NCKAP5: variants seen among roughly 807,000 people sequenced by gnomAD.
NCKAP5 encodes NCK associated protein 5.
NCKAP5 carries 92 observed loss-of-function variants against 167.0 expected under a neutral mutation model. The observed-to-expected ratio is 0.55, with a 90% CI of 0.47 to 0.66. NCKAP5 has a LOEUF of 0.66. NCKAP5 is among the 30% of genes least tolerant of loss of function. The probability of loss-of-function intolerance (pLI) is 0.00; values close to 1 mark genes in which losing one functional copy is unlikely to be tolerated. For missense variants in NCKAP5, 2,378 were observed against 2,315.0 expected, an observed-to-expected ratio of 1.03 and a Z score of -0.56; for synonymous variants, 891 against 877.4, an observed-to-expected ratio of 1.02 and a Z score of -0.27.
intron 8 of NCKAP5, among the ~76,000 whole-genome samples, chr2:132,897,557 T>C (rs967864686): frequency 6.6e-6 from 1 of 152,196 alleles, no homozygotes; most frequent in Admixed American, 6.5e-5. Flanking sequence ...GGTTGTCCTG[T>C]AAACTGTAGA....
the NCKAP5 span, among the ~76,000 whole-genome samples, chr2:133,579,458 A>T: frequency 6.6e-6 from 1 of 152,144 alleles, no homozygotes; most frequent in Non-Finnish European, 1.5e-5. Flanking sequence ...CACAGCAGAG[A>T]CTTTGATTCT....
chr2:132,889,995 T>TA (rs1286507391), intron 8 of NCKAP5, among the ~76,000 whole-genome samples: 1 of 152,090 alleles, frequency 6.6e-6, no homozygotes, highest in African/African-American at 2.4e-5. Context: ...TCACAGTAGT[T>TA]AAAAAAGGCT....
chr2:132,880,369 T>A (rs971281723), intron 8 of NCKAP5, among the ~76,000 whole-genome samples: 2 of 152,110 alleles, frequency 1.3e-5, no homozygotes, highest in Non-Finnish European at 2.9e-5. Flanking sequence ...GTGGCTCACT[T>A]CTGTAATCCC....
intron 1 of NCKAP5, among the ~76,000 whole-genome samples, chr2:133,564,700 G>C (rs888669486): frequency 2.6e-5 from 4 of 152,098 alleles, no homozygotes; most frequent in Admixed American, 6.6e-5. Context: ...TCAGAATGCA[G>C]GACCGCAGTC....
At position 132,784,890 on chromosome 2, in the gene NCKAP5, G is replaced by A; in HGVS notation, c.1921C>T (p.Pro641Ser). The A allele has an allele frequency of 1.3e-6, 2 of 1,566,100 alleles. No individual in the cohort carries two copies. Among genetic ancestry groups the A allele is most frequent in the South Asian group, 1.2e-5 (1 of 81,850 alleles). The change falls in exon 14 of 20, where the codon CCT becomes TCT. Residue 641 changes from proline to serine, a missense_variant. By Grantham distance (74) the Pro-to-Ser change is moderately conservative. Coordinates refer to ENST00000409261, the MANE Select transcript of NCKAP5 (RefSeq NM_207363.3). ...AAAGTCTTTGGCCTAGTCTCTGAAG[G>A]GATGGGCACTTGTTTTTCCTCCTCT... ...PEEEEKQVPI[P>S]SETRPKTFSF...
chr2:132,997,347 A>G (rs2077633816), intron 6 of NCKAP5, among the ~76,000 whole-genome samples: 1 of 152,226 alleles, frequency 6.6e-6, no homozygotes, highest in African/African-American at 2.4e-5. Flanking sequence ...GTGACCACAC[A>G]TTTATACAAG....
intron 3 of NCKAP5, among the ~76,000 whole-genome samples, chr2:133,332,556 T>C (rs1393660412): frequency 2.6e-5 from 4 of 152,212 alleles, no homozygotes; most frequent in Admixed American, 6.5e-5. Context: ...AATAATCATA[T>C]AGTCAATATA....
chr2:133,557,776 C>T (rs1687846530), intron 2 of NCKAP5, among the ~76,000 whole-genome samples: 1 of 152,188 alleles, frequency 6.6e-6, no homozygotes, highest in African/African-American at 2.4e-5. Context: ...TGTGCAGTGA[C>T]GAATCACCTC....
intron 4 of NCKAP5, among the ~76,000 whole-genome samples, chr2:133,245,911 A>C (rs564451151): frequency 6.8e-4 from 103 of 152,030 alleles, no homozygotes; most frequent in Admixed American, 1.1e-3. Flanking sequence ...AAAAAAAAAA[A>C]AAAATGGAGG....
chr2:132,882,543 G>T (rs1282211072), intron 8 of NCKAP5, among the ~76,000 whole-genome samples: 1 of 152,130 alleles, frequency 6.6e-6, no homozygotes, highest in African/African-American at 2.4e-5. Context: ...GAAAAGTTCA[G>T]TTTTGTGTTT....
chr2:132,728,593 T>C (rs1449870827), intron 18 of NCKAP5, among the ~76,000 whole-genome samples: 4 of 152,176 alleles, frequency 2.6e-5, no homozygotes, highest in African/African-American at 9.7e-5. Flanking sequence ...TGGGTGCATT[T>C]CAGAAGCACT....
chr2:132,951,832 A>G (rs1435767058), intron 8 of NCKAP5, among the ~76,000 whole-genome samples: 1 of 152,144 alleles, frequency 6.6e-6, no homozygotes. Flanking sequence ...CTGCTCATCA[A>G]TCATACTGCT....
At chr2:133,451,354 G>A (rs1691539440) in intron 3 of NCKAP5, among the ~76,000 whole-genome samples, 1 of 152,142 alleles carries the variant, frequency 6.6e-6, no homozygotes, top group African/African-American at 2.4e-5. Flanking sequence ...TTTCAGTCAG[G>A]TGGGTCAGGA....
At chr2:133,008,682 T>C (rs900914802) in intron 6 of NCKAP5, among the ~76,000 whole-genome samples, 2 of 152,200 alleles carry the variant, frequency 1.3e-5, no homozygotes, top group Non-Finnish European at 2.9e-5. Flanking sequence ...GCTTGATCTT[T>C]AGGAACACTG....
At chr2:133,186,708 A>G (rs112892189) in intron 5 of NCKAP5, among the ~76,000 whole-genome samples, 5,649 of 151,958 alleles carry the variant, frequency 0.037, 138 homozygotes, top group Non-Finnish European at 0.057. Context: ...GAATTTATTC[A>G]TTTCCTCTAG....
chr2:133,454,737 G>T (rs576485942), intron 3 of NCKAP5, among the ~76,000 whole-genome samples: 37 of 152,022 alleles, frequency 2.4e-4, no homozygotes, highest in African/African-American at 8.2e-4. Flanking sequence ...CAGGTTGTAC[G>T]GGCCTACATA....
At chr2:132,982,026 T>C (rs2077154696) in intron 7 of NCKAP5, among the ~76,000 whole-genome samples, 1 of 152,176 alleles carries the variant, frequency 6.6e-6, no homozygotes. Context: ...TCTCCAATGC[T>C]AAAGCTTTAG....
intron 4 of NCKAP5, among the ~76,000 whole-genome samples, chr2:133,234,744 T>G (rs1482173307): frequency 6.6e-6 from 1 of 152,054 alleles, no homozygotes; most frequent in Admixed American, 6.5e-5. Flanking sequence ...AGAGAAGGCT[T>G]TATGTCAAAT....
At chr2:133,011,146 C>T (rs1337509678) in intron 6 of NCKAP5, among the ~76,000 whole-genome samples, 3 of 152,148 alleles carry the variant, frequency 2.0e-5, no homozygotes, top group Non-Finnish European at 2.9e-5. Flanking sequence ...ATACACACAA[C>T]ATTATTTTCT....
Sources: gnomAD v4.1 joint callset for allele counts (sites outside exome capture counted in the v4.1 genomes callset) on GRCh38, gnomAD v4.1.1 for gene constraint, MANE v1.5 for transcripts, NCBI Gene and HGNC (gene_info 2026-07-23, HGNC 2026-07-21) for gene names.